Variants in FBXL7 observed in about 807,000 individuals in gnomAD.
FBXL7 encodes the protein F-box/LRR-repeat protein 7.
Under a neutral mutation model 38.3 loss-of-function variants are expected in FBXL7, and 12 were observed. The ratio of observed to expected loss-of-function variants is 0.31; its 90% confidence interval spans 0.20 to 0.51. The LOEUF (loss-of-function observed/expected upper bound fraction) is 0.51. Ranked by LOEUF, FBXL7 falls within the 20% of genes least tolerant of loss-of-function variation. The pLI is 0.98. For missense variants in FBXL7, 567 were observed against 676.4 expected, an observed-to-expected ratio of 0.84 and a Z score of 1.79; for synonymous variants, 297 against 300.9, an observed-to-expected ratio of 0.99 and a Z score of 0.13.
At chr5:15,756,969 C>T (rs552759399) in intron 2 of FBXL7, among the ~76,000 whole-genome samples, 83 of 152,180 alleles carry the variant, frequency 5.5e-4, no homozygotes, top group African/African-American at 1.9e-3. Context: ...ATAGTTTGAA[C>T]GGAAGAGTAA....
chr5:15,613,781 G>A (rs1740339636), intron 1 of FBXL7, among the ~76,000 whole-genome samples: 1 of 152,140 alleles, frequency 6.6e-6, no homozygotes, highest in Non-Finnish European at 1.5e-5. Flanking sequence ...TACTGTCTTA[G>A]TCCATTCGGG....
At chr5:15,687,615 G>A (rs1291056103) in intron 2 of FBXL7, among the ~76,000 whole-genome samples, 1 of 152,162 alleles carries the variant, frequency 6.6e-6, no homozygotes, top group Non-Finnish European at 1.5e-5. Context: ...CTGCCCTCAA[G>A]GCTGTGAGAA....
chr5:15,646,139 C>A (rs1332009208), intron 2 of FBXL7, among the ~76,000 whole-genome samples: 1 of 151,950 alleles, frequency 6.6e-6, no homozygotes, highest in Non-Finnish European at 1.5e-5. Flanking sequence ...ACATCCCATG[C>A]AAATTGAATA....
intron 2 of FBXL7, among the ~76,000 whole-genome samples, chr5:15,787,964 A>C (rs370778519): frequency 5.9e-5 from 9 of 152,276 alleles, no homozygotes; most frequent in African/African-American, 2.2e-4. Flanking sequence ...TAAAAATGTC[A>C]ACAGTGCTGT....
At chr5:15,515,397 A>C (rs908968462) in intron 1 of FBXL7, among the ~76,000 whole-genome samples, 2 of 152,246 alleles carry the variant, frequency 1.3e-5, no homozygotes, top group Admixed American at 1.3e-4. Flanking sequence ...TTGAAGAGCC[A>C]TCATGGAATT....
intron 2 of FBXL7, among the ~76,000 whole-genome samples, chr5:15,743,869 C>T (rs543261990): frequency 1.3e-4 from 20 of 152,350 alleles, no homozygotes; most frequent in African/African-American, 3.1e-4. Flanking sequence ...CCCAGCACCA[C>T]GTGTAATCCA....
At chr5:15,798,100 T>C (rs1737463919) in intron 2 of FBXL7, among the ~76,000 whole-genome samples, 1 of 152,184 alleles carries the variant, frequency 6.6e-6, no homozygotes, top group South Asian at 2.1e-4. Context: ...AGAGCATTGG[T>C]GCCATTTCAC....
intron 1 of FBXL7, among the ~76,000 whole-genome samples, chr5:15,505,228 G>C (rs776012691): frequency 1.3e-5 from 2 of 152,148 alleles, no homozygotes; most frequent in Non-Finnish European, 2.9e-5. Flanking sequence ...GCCATGCAGC[G>C]ACCCACTTCA....
chr5:15,934,027 TC>T (rs757261339), intron 3 of FBXL7, among the ~76,000 whole-genome samples: 51 of 152,310 alleles, frequency 3.3e-4, no homozygotes, highest in Admixed American at 6.5e-4. Flanking sequence ...TATTTTGAGA[TC>T]AAGTCTTGCC....
intron 2 of FBXL7, among the ~76,000 whole-genome samples, chr5:15,847,853 C>T (rs1738959839): frequency 6.6e-6 from 1 of 152,186 alleles, no homozygotes; most frequent in Non-Finnish European, 1.5e-5. Flanking sequence ...AGCAGAGAGC[C>T]ACCCGCAGTG....
At chr5:15,727,720 T>G (rs1735447575) in intron 2 of FBXL7, among the ~76,000 whole-genome samples, 1 of 152,180 alleles carries the variant, frequency 6.6e-6, no homozygotes, top group South Asian at 2.1e-4. Context: ...TTACATTATT[T>G]GGAGTTCTTT....
chr5:15,691,384 A>C (rs1027843049), intron 2 of FBXL7, among the ~76,000 whole-genome samples: 1 of 152,196 alleles, frequency 6.6e-6, no homozygotes, highest in Non-Finnish European at 1.5e-5. Context: ...TTTGCATCTA[A>C]AGCTCGAATG....
chr5:15,550,116 G>C (rs1006385963), intron 1 of FBXL7, among the ~76,000 whole-genome samples: 4 of 152,160 alleles, frequency 2.6e-5, no homozygotes, highest in African/African-American at 9.7e-5. Context: ...CATTCTCCCA[G>C]GTTACACTTT....
intron 2 of FBXL7, among the ~76,000 whole-genome samples, chr5:15,769,617 G>A (rs538379157): frequency 6.4e-4 from 97 of 152,134 alleles, no homozygotes; most frequent in African/African-American, 2.2e-3. Flanking sequence ...TGGCTCTGTG[G>A]TAACTATATC....
chr5:15,743,262 G>A lies in FBXL7; in HGVS notation c.127+127190G>A, dbSNP rs373274454. On this transcript the variant is annotated intron_variant, in intron 2 of 3. Transcript: ENST00000504595. ...CAAGGCAAGTACCTTCTGCCCATGAGCCTGTAAAATCAAAAGCAAGTTAGT... is the reference window on the plus strand; with the variant it reads ...CAAGGCAAGTACCTTCTGCCCATGAACCTGTAAAATCAAAAGCAAGTTAGT... Among the ~76,000 whole-genome samples, 161 of 152,298 alleles carry A rather than the reference G, an allele frequency of 1.1e-3. 2 individuals carry two copies. In the South Asian group the frequency reaches 0.019, roughly 18 times the overall value.
At chr5:15,546,302 C>T (rs1421486788) in intron 1 of FBXL7, among the ~76,000 whole-genome samples, 1 of 152,148 alleles carries the variant, frequency 6.6e-6, no homozygotes, top group Non-Finnish European at 1.5e-5. Flanking sequence ...CACGGTGGCT[C>T]ATGCCTGTAA....
intron 1 of FBXL7, among the ~76,000 whole-genome samples, chr5:15,537,276 T>C (rs1737613752): frequency 6.6e-6 from 1 of 152,230 alleles, no homozygotes; most frequent in African/African-American, 2.4e-5. Flanking sequence ...AAATATCTTT[T>C]CATATGCTTA....
intron 1 of FBXL7, among the ~76,000 whole-genome samples, chr5:15,571,484 A>G (rs547894084): frequency 1.3e-5 from 2 of 152,250 alleles, no homozygotes; most frequent in African/African-American, 4.8e-5. Context: ...AGTGATTTGA[A>G]CCCAGTGGCT....
At chr5:15,540,811 G>T (rs576600283) in intron 1 of FBXL7, among the ~76,000 whole-genome samples, 53 of 151,994 alleles carry the variant, frequency 3.5e-4, no homozygotes, top group African/African-American at 1.2e-3. Context: ...GAGCTCTCTG[G>T]GGTCCCTTTT....
Sources: gnomAD v4.1 joint callset for allele counts (sites outside exome capture counted in the v4.1 genomes callset) on GRCh38, gnomAD v4.1.1 for gene constraint, MANE v1.5 for transcripts, NCBI Gene and HGNC (gene_info 2026-07-23, HGNC 2026-07-21) for gene names.